The following SMOC2 variants were observed in gnomAD, a reference collection of about 807,000 sequenced individuals.
SMOC2 encodes the protein SPARC related modular calcium binding 2, also known as SPARC-related modular calcium-binding protein 2.
A neutral mutation model predicts 61.4 loss-of-function variants in SMOC2; 39 were observed. The observed-to-expected ratio is 0.64, with a 90% confidence interval of 0.49 to 0.83. The LOEUF is 0.83. Ranked by LOEUF, SMOC2 falls within the 40% of genes least tolerant of loss-of-function variation. The probability of loss-of-function intolerance (pLI) is 0.00; values close to 1 mark genes in which losing one functional copy is unlikely to be tolerated. For missense variants in SMOC2, 556 were observed against 592.9 expected (o/e 0.94, Z 0.65); for synonymous variants, 247 against 239.9 (o/e 1.03, Z -0.27).
intron 9 of SMOC2, among the ~76,000 whole-genome samples, chr6:168,644,365 C>A (rs1245377135): frequency 6.6e-6 from 1 of 152,118 alleles, no homozygotes; most frequent in Non-Finnish European, 1.5e-5. Context: ...GAATGAGTAG[C>A]CATGACATTT....
At chr6:168,598,685 T>C in intron 7 of SMOC2, 133 bp from the exon 8 acceptor site, 1 of 1,009,104 alleles carries the variant, frequency 9.9e-7, no homozygotes, top group African/African-American at 1.6e-5. Flanking sequence ...CCCCCCACGC[T>C]GGCAGGCCCT....
chr6:168,480,845 C>T (rs1782192857), intron 1 of SMOC2, among the ~76,000 whole-genome samples: 1 of 152,126 alleles, frequency 6.6e-6, no homozygotes, highest in African/African-American at 2.4e-5. Flanking sequence ...ATACAAGGAT[C>T]CTCAGTAAGA....
chr6:168,664,126 A>G lies in SMOC2; in HGVS notation c.1323+15A>G. The G allele has an allele frequency of 1.9e-6, 3 of 1,593,640 alleles. No individual in the cohort carries two copies. Among genetic ancestry groups the G allele is most frequent in the Non-Finnish European group, 2.6e-6 (3 of 1,167,888 alleles). On this transcript the variant is annotated intron_variant, in intron 12 of 12. Coordinates refer to ENST00000356284, the MANE Select transcript of SMOC2 (RefSeq NM_001166412.2). Reference sequence around the variant, plus strand: ...CTAATAGACAGGTAAGTATGTTTATATTTTACTCTTAACCATTTCGTTTTT... The same window carrying G: ...CTAATAGACAGGTAAGTATGTTTATGTTTTACTCTTAACCATTTCGTTTTT...
At chr6:168,545,614 G>T (rs1394307046) in intron 5 of SMOC2, among the ~76,000 whole-genome samples, 2 of 152,210 alleles carry the variant, frequency 1.3e-5, no homozygotes, top group Non-Finnish European at 1.5e-5. Context: ...GGCCTCTGGT[G>T]CCCAGAATCA....
intron 9 of SMOC2, among the ~76,000 whole-genome samples, chr6:168,624,662 G>T (rs1013456455): frequency 2.1e-5 from 3 of 144,470 alleles, no homozygotes; most frequent in African/African-American, 7.6e-5. Context: ...AGACACAGAC[G>T]CACACACACA....
chr6:168,563,344 G>A (rs938940969), intron 7 of SMOC2, among the ~76,000 whole-genome samples: 11 of 152,060 alleles, frequency 7.2e-5, no homozygotes, highest in Admixed American at 3.3e-4. Flanking sequence ...ATGTGTATGT[G>A]TGTATATGTA....
At chr6:168,605,677 C>T (rs1490642831) in intron 8 of SMOC2, among the ~76,000 whole-genome samples, 3 of 152,128 alleles carry the variant, frequency 2.0e-5, no homozygotes, top group Admixed American at 1.3e-4. Context: ...CTGATTGCTT[C>T]GAAGCTAGGA....
intron 1 of SMOC2, among the ~76,000 whole-genome samples, chr6:168,502,948 A>G (rs1782769384): frequency 6.7e-6 from 1 of 148,922 alleles, no homozygotes; most frequent in Admixed American, 6.7e-5. Context: ...TTGTATTTTT[A>G]GTAGAGGTAG....
chr6:168,466,228 G>C (rs1211209501), intron 1 of SMOC2, among the ~76,000 whole-genome samples: 1 of 150,842 alleles, frequency 6.6e-6, no homozygotes, highest in Non-Finnish European at 1.5e-5. Context: ...TGCTTTGAAA[G>C]CTGAAACTGG....
chr6:168,468,036 T>C (rs1781883802), intron 1 of SMOC2, among the ~76,000 whole-genome samples: 1 of 152,198 alleles, frequency 6.6e-6, no homozygotes, highest in Admixed American at 6.5e-5. Flanking sequence ...TTTTAAAAAA[T>C]AGTGGATGCA....
intron 7 of SMOC2, 27 bp from the exon 8 acceptor site, chr6:168,598,791 C>G: frequency 6.2e-7 from 1 of 1,612,240 alleles, no homozygotes; most frequent in South Asian, 1.1e-5. Flanking sequence ...GGATCCTGCT[C>G]ACCTTTTGCC....
chr6:168,454,064 GTCTC>G, intron 1 of SMOC2, among the ~76,000 whole-genome samples: 1 of 152,082 alleles, frequency 6.6e-6, no homozygotes, highest in East Asian at 1.9e-4. Flanking sequence ...CTATCTCTGT[GTCTC>G]TCTTACTCTA....
At chr6:168,486,777 A>T (rs759802229) in intron 1 of SMOC2, among the ~76,000 whole-genome samples, 1 of 152,120 alleles carries the variant, frequency 6.6e-6, no homozygotes, top group Admixed American at 6.6e-5. Context: ...AAAACAAAAC[A>T]TATTCTTAGT....
At chr6:168,455,493 C>G (rs1388415053) in intron 1 of SMOC2, among the ~76,000 whole-genome samples, 2 of 152,238 alleles carry the variant, frequency 1.3e-5, no homozygotes, top group South Asian at 4.2e-4. Flanking sequence ...GAGGCTGGGC[C>G]CTTTTCTTTC....
chr6:168,654,432 T>TTAGGAACTCACCACCCCTGC lies in SMOC2; in HGVS notation c.1285+1204_1285+1205insTAGGAACTCACCACCCCTGC, dbSNP rs1562407451. 1.1e-3 allele frequency among the ~76,000 whole-genome samples: 19 copies of TTAGGAACTCACCACCCCTGC among 16,710 alleles called. 5 individuals carry two copies. Among genetic ancestry groups the TTAGGAACTCACCACCCCTGC allele is most frequent in the Non-Finnish European group, 2.2e-3 (12 of 5,386 alleles). 11.0% of individuals were successfully genotyped at this position (16,710 alleles called of 152,430 possible). A position where few individuals can be genotyped will look rare whatever the true frequency, so the allele number is the denominator to read the frequency against. On this transcript the variant is annotated intron_variant, in intron 11 of 12. Transcript: ENST00000356284. ...AAATGTTAGGAACTCACCACCCCTGTACCTGAGCTCCAACCAAATGTTAGG... is the reference window on the plus strand; with the variant it reads ...AAATGTTAGGAACTCACCACCCCTGTTAGGAACTCACCACCCCTGCACCTGAGCTCCAACCAAATGTTAGG...
At chr6:168,560,216 G>A (rs977438877) in intron 7 of SMOC2, among the ~76,000 whole-genome samples, 2 of 152,142 alleles carry the variant, frequency 1.3e-5, no homozygotes, top group African/African-American at 4.8e-5. Flanking sequence ...GTATAGACAT[G>A]GATCTCTCTG....
intron 7 of SMOC2, among the ~76,000 whole-genome samples, chr6:168,581,371 A>G (rs1264841031): frequency 1.3e-5 from 2 of 152,186 alleles, no homozygotes; most frequent in Non-Finnish European, 2.9e-5. Flanking sequence ...TGTGCCTGGC[A>G]TGGGCATTAT....
intron 9 of SMOC2, among the ~76,000 whole-genome samples, chr6:168,623,854 G>A (rs1786313178): frequency 6.6e-6 from 1 of 152,192 alleles, no homozygotes; most frequent in African/African-American, 2.4e-5. Flanking sequence ...GGCAGCCAGA[G>A]TGGCTGATGC....
At chr6:168,528,391 A>G (rs1042295706) in intron 4 of SMOC2, among the ~76,000 whole-genome samples, 1 of 151,980 alleles carries the variant, frequency 6.6e-6, no homozygotes, top group Non-Finnish European at 1.5e-5. Context: ...AAGAAATGCT[A>G]TGATCTAGCC....
Sources: allele counts gnomAD v4.1 joint callset (sites outside exome capture counted in the v4.1 genomes callset), GRCh38; gene constraint gnomAD v4.1.1; transcripts MANE v1.5; gene names NCBI Gene and HGNC (gene_info 2026-07-23, HGNC 2026-07-21).